The following MTA3 variants were observed in gnomAD, a reference collection of about 807,000 sequenced individuals.
MTA3 encodes the protein metastasis associated 1 family member 3.
A neutral mutation model predicts 83.5 loss-of-function variants in MTA3; 34 were observed. That is an observed-to-expected ratio of 0.41 (90% confidence interval 0.31 to 0.54). The LOEUF (loss-of-function observed/expected upper bound fraction) is 0.54. Ranked by LOEUF, MTA3 falls within the 20% of genes least tolerant of loss-of-function variation. MTA3 has a pLI of 0.33. For missense variants in MTA3, 761 were observed against 726.4 expected, an observed-to-expected ratio of 1.05 and a Z score of -0.55; for synonymous variants, 303 against 252.7, an observed-to-expected ratio of 1.20 and a Z score of -1.89.
chr2:42,557,069 T>C (rs1353258116), intron 2 of MTA3, among the ~76,000 whole-genome samples: 3 of 152,092 alleles, frequency 2.0e-5, no homozygotes, highest in Non-Finnish European at 4.4e-5. Context: ...ATATACCTAC[T>C]TTGTGCCCAC....
intron 16 of MTA3, among the ~76,000 whole-genome samples, chr2:42,742,233 T>G (rs1461818818): frequency 5.9e-5 from 9 of 151,750 alleles, no homozygotes; most frequent in African/African-American, 1.7e-4. Flanking sequence ...CTGCCTCCTG[T>G]GTTCAAGTAA....
intron 3 of MTA3, among the ~76,000 whole-genome samples, chr2:42,605,852 A>G (rs1449591334): frequency 9.4e-6 from 1 of 106,328 alleles, no homozygotes; most frequent in South Asian, 3.4e-4. Flanking sequence ...TGACCCCCCC[A>G]CCTCCCTCCT....
intron 3 of MTA3, among the ~76,000 whole-genome samples, chr2:42,592,853 C>T (rs1046126858): frequency 3.9e-5 from 6 of 151,956 alleles, no homozygotes; most frequent in African/African-American, 1.5e-4. Flanking sequence ...AAAGAATACA[C>T]TCTAAGACAA....
chr2:42,705,712 G>A (rs1188941060), intron 12 of MTA3, among the ~76,000 whole-genome samples: 1 of 150,744 alleles, frequency 6.6e-6, no homozygotes, highest in African/African-American at 2.4e-5. Context: ...TCTCCCCCCC[G>A]CCCCCAAAAA....
intron 2 of MTA3, among the ~76,000 whole-genome samples, chr2:42,526,901 A>G (rs1441924978): frequency 2.0e-5 from 3 of 151,916 alleles, no homozygotes. Flanking sequence ...TAAAATAACA[A>G]AAATTAGCTG....
intron 3 of MTA3, among the ~76,000 whole-genome samples, chr2:42,594,106 C>A (rs1246415504): frequency 6.6e-6 from 1 of 151,916 alleles, no homozygotes; most frequent in Non-Finnish European, 1.5e-5. Flanking sequence ...CGCACACCAC[C>A]ATGCCTGGCT....
chr2:42,714,603 A>T (rs922632278), intron 14 of MTA3, among the ~76,000 whole-genome samples: 1 of 152,194 alleles, frequency 6.6e-6, no homozygotes, highest in African/African-American at 2.4e-5. Flanking sequence ...CAACAAAAGT[A>T]ATAGTGTATT....
intron 2 of MTA3, among the ~76,000 whole-genome samples, chr2:42,557,900 C>T (rs1417863064): frequency 2.0e-5 from 3 of 152,058 alleles, no homozygotes; most frequent in African/African-American, 7.2e-5. Context: ...CTCTCTGTGT[C>T]CTTGGAGTCG....
chr2:42,579,265 A>G (rs1193410759), intron 3 of MTA3, 65 bp downstream of exon 3: 1 of 1,219,300 alleles, frequency 8.2e-7, no homozygotes, highest in East Asian at 2.6e-5. Context: ...TGAGGTGGAA[A>G]CATGCTTTTT....
intron 10 of MTA3, among the ~76,000 whole-genome samples, chr2:42,696,485 A>G (rs1436660551): frequency 1.3e-5 from 2 of 152,214 alleles, no homozygotes; most frequent in African/African-American, 4.8e-5. Context: ...TTATGTTTGT[A>G]TAGGCACATA....
At chr2:42,521,745 T>TTC (rs975753405) in intron 2 of MTA3, among the ~76,000 whole-genome samples, 1 of 129,282 alleles carries the variant, frequency 7.7e-6, no homozygotes, top group Non-Finnish European at 1.6e-5. Context: ...CCCTGAATCT[T>TTC]TCTCTCTTTT....
chr2:42,532,877 T>C, intron 2 of MTA3: 1 of 343,226 alleles, frequency 2.9e-6, no homozygotes, highest in Non-Finnish European at 5.7e-6. Context: ...CCCAGGCACC[T>C]TTCTCTTTGG....
At chr2:42,633,177 C>T (rs892014880) in intron 4 of MTA3, among the ~76,000 whole-genome samples, 6 of 151,484 alleles carry the variant, frequency 4.0e-5, no homozygotes, top group Non-Finnish European at 5.9e-5. Context: ...GCAGGAGAAT[C>T]GTTTGAACCT....
intron 2 of MTA3, among the ~76,000 whole-genome samples, chr2:42,550,081 C>T (rs1677045221): frequency 6.6e-6 from 1 of 151,980 alleles, no homozygotes; most frequent in Non-Finnish European, 1.5e-5. Flanking sequence ...AAAGTATTTC[C>T]TTTAAGTGAA....
At chr2:42,588,335 T>C (rs2103920891) in intron 3 of MTA3, among the ~76,000 whole-genome samples, 1 of 152,222 alleles carries the variant, frequency 6.6e-6, no homozygotes, top group East Asian at 1.9e-4. Flanking sequence ...GCTCCTGCTG[T>C]GTACTGGACA....
At chr2:42,636,627 T>C (rs76534568) in intron 4 of MTA3, among the ~76,000 whole-genome samples, 1 of 126,788 alleles carries the variant, frequency 7.9e-6, no homozygotes, top group African/African-American at 3.6e-5. Context: ...TCTTTCTTTC[T>C]TTTTTTTTTT....
intron 8 of MTA3, 46 bp from the exon 9 acceptor site, chr2:42,682,355 T>A: frequency 7.2e-7 from 1 of 1,389,954 alleles, no homozygotes. Flanking sequence ...TAATGTAGCA[T>A]GTTTGCATTT....
At chr2:42,734,045 T>C (rs1367662077) in intron 16 of MTA3, among the ~76,000 whole-genome samples, 2 of 152,236 alleles carry the variant, frequency 1.3e-5, no homozygotes, top group Non-Finnish European at 1.5e-5. Context: ...TGGGTTTGTT[T>C]GGTCTACAGT....
At position 42,731,876 on chromosome 2, in the gene MTA3, G is replaced by T. The variant is rs1213643385; in HGVS notation, c.1759+8841G>T. Among the ~76,000 whole-genome samples the T allele has an allele frequency of 2.0e-5, 3 of 152,144 alleles. No individual in the cohort carries two copies. In the East Asian group the frequency reaches 5.8e-4, roughly 29 times the overall value. On this transcript the variant is annotated intron_variant, in intron 16 of 16. Transcript: ENST00000405094. ...CTAATTACTTCCTAGATACAGTGGG[G>T]GTACAGGTATTGGGTAAATACAGCC...
Sources: gnomAD v4.1 joint callset for allele counts (sites outside exome capture counted in the v4.1 genomes callset) on GRCh38, gnomAD v4.1.1 for gene constraint, MANE v1.5 for transcripts, NCBI Gene and HGNC (gene_info 2026-07-23, HGNC 2026-07-21) for gene names.